NUDT19: variants seen among roughly 807,000 people sequenced by gnomAD.
NUDT19 encodes the protein nudix hydrolase 19.
A neutral mutation model predicts 22.2 loss-of-function variants in NUDT19; 31 were observed. The observed-to-expected ratio is 1.40, with a 90% CI of 1.05 to 1.89. The LOEUF is 1.89. Among genes scored for constraint, NUDT19 ranks in the 40% most tolerant of loss-of-function variants. The pLI is 0.00. For missense variants in NUDT19, 752 were observed against 514.2 expected (o/e 1.46, Z -4.47); for synonymous variants, 325 against 230.8 (o/e 1.41, Z -3.70).
intron 1 of NUDT19, among the ~76,000 whole-genome samples, chr19:32,702,315 A>C (rs1280859352): frequency 6.6e-6 from 1 of 152,248 alleles, no homozygotes; most frequent in African/African-American, 2.4e-5. Context: ...CCACATGAGT[A>C]AACAAGCTAG....
intron 1 of NUDT19, among the ~76,000 whole-genome samples, chr19:32,703,007 AT>A (rs35651555): frequency 2.2e-4 from 33 of 148,516 alleles, no homozygotes; most frequent in South Asian, 8.5e-4. Flanking sequence ...TAGACCATCA[AT>A]TTTTTTTTTT....
chr19:32,698,933 C>A (rs1968298551), intron 1 of NUDT19, among the ~76,000 whole-genome samples: 1 of 152,156 alleles, frequency 6.6e-6, no homozygotes, highest in African/African-American at 2.4e-5. Context: ...GAGGGCCATA[C>A]CCTGAGGGAG....
intron 1 of NUDT19, among the ~76,000 whole-genome samples, chr19:32,694,532 T>C (rs1050991808): frequency 1.7e-4 from 26 of 152,336 alleles, no homozygotes; most frequent in African/African-American, 6.3e-4. Flanking sequence ...CCGGTTCCTG[T>C]AGCAGTGGCC....
rs1396597262 is a variant in NUDT19, at chr19:32,691,877, G to A, written c.-84G>A. 4 of 741,814 alleles carry A rather than the reference G, an allele frequency of 5.4e-6. No individual in the cohort carries two copies. The highest frequency in any genetic ancestry group is 7.2e-6 in the Non-Finnish European group (4 of 552,888). The allele number at this position is 741,814 out of a possible 1,614,324, so 46.0% of individuals were successfully genotyped here. On this transcript the variant is annotated 5_prime_UTR_variant, in exon 1 of 3. Coordinates refer to ENST00000397061, the MANE Select transcript of NUDT19 (RefSeq NM_001105570.2). Reference sequence around the variant, plus strand: ...CGTCCTCAATTCCCGCGAGGCCCCCGGAGGTGCTGGGGTCCCTGCAGGGCC... The same window carrying A: ...CGTCCTCAATTCCCGCGAGGCCCCCAGAGGTGCTGGGGTCCCTGCAGGGCC...
In NUDT19 at chr19:32,692,495, C is replaced by A. The variant is rs747458078; in HGVS notation, c.535C>A (p.Leu179Met). The A allele has an allele frequency of 6.4e-7, 1 of 1,555,868 alleles. No individual in the cohort carries two copies. Among genetic ancestry groups the A allele is most frequent in the East Asian group, 2.5e-5 (1 of 40,794 alleles). The change falls in exon 1 of 3, where the codon CTG becomes ATG. Residue 179 changes from leucine (L) to methionine (M), a missense_variant. Physicochemically the swap from Leu to Met is conservative, Grantham distance 15. Coordinates refer to ENST00000397061, the MANE Select transcript of NUDT19 (RefSeq NM_001105570.2). ...DRVRQDPRHF[L>M]RLCAHLDCTP... ...CGTGCGCCAGGACCCGCGCCACTTC[C>A]TGCGGCTGTGCGCCCACCTCGACTG...
rs770857161 is a variant in NUDT19 at position 32,692,714 on chromosome 19, G to GT, written c.714+41dup. ...GGGCCTTGCTGCGGACCGCCAGGAC[G>GT]TGAGAGGGAGGACCCCTCCCAGCGG... On this transcript the variant is annotated intron_variant, in intron 1 of 2. Transcript: ENST00000397061. 6 of 1,394,986 alleles carry GT rather than the reference G, an allele frequency of 4.3e-6. No individual in the cohort carries two copies. In the South Asian group the frequency reaches 9.3e-5, roughly 22 times the overall value. The allele number at this position is 1,394,986 out of a possible 1,614,324, so 86.4% of individuals were successfully genotyped here. A position where few individuals can be genotyped will look rare whatever the true frequency, so the allele number is the denominator to read the frequency against.
At chr19:32,709,733 C>G (rs1283216739) in intron 2 of NUDT19, among the ~76,000 whole-genome samples, 1 of 151,618 alleles carries the variant, frequency 6.6e-6, no homozygotes, top group Non-Finnish European at 1.5e-5. Flanking sequence ...TCACTGCAAC[C>G]TCCACCTCCC....
chr19:32,693,310 A>G (rs1339473487), intron 1 of NUDT19, among the ~76,000 whole-genome samples: 1 of 151,530 alleles, frequency 6.6e-6, no homozygotes, highest in African/African-American at 2.4e-5. Context: ...AGACCTTCGC[A>G]GTGAGTGTTA....
In NUDT19 at chr19:32,712,320, GC is replaced by G. The variant is rs1968456780; in HGVS notation, c.*366del. The G allele has an allele frequency of 6.5e-6, 1 of 153,012 alleles. No homozygotes were observed. The highest frequency in any genetic ancestry group is 1.4e-5 in the Non-Finnish European group (1 of 72,868). 9.5% of individuals were successfully genotyped at this position (153,012 alleles called of 1,614,324 possible). A position where few individuals can be genotyped will look rare whatever the true frequency, so the allele number is the denominator to read the frequency against. On this transcript the variant is annotated 3_prime_UTR_variant, in exon 3 of 3. Coordinates refer to ENST00000397061, the MANE Select transcript of NUDT19 (RefSeq NM_001105570.2). The stretch of plus-strand genomic sequence containing the variant: ...TCTCAATCTCTTGACCTCGTGATAC[GC>G]CCGCCTTGGCCTCCCAAAGTGCTGG...
chr19:32,709,725 A>G (rs1968425971), intron 2 of NUDT19, among the ~76,000 whole-genome samples: 2 of 145,414 alleles, frequency 1.4e-5, no homozygotes, highest in African/African-American at 2.6e-5. Flanking sequence ...ATCTTGGCTC[A>G]CTGCAACCTC....
At chr19:32,699,457 A>G (rs1364230443) in intron 1 of NUDT19, among the ~76,000 whole-genome samples, 7 of 152,200 alleles carry the variant, frequency 4.6e-5, no homozygotes, top group South Asian at 2.1e-4. Flanking sequence ...CCCTCGGCTC[A>G]GCCCAGAAGT....
In NUDT19 at chr19:32,705,959, A is replaced by C. The variant is rs1007987275; in HGVS notation, c.715-3226A>C. Among the ~76,000 whole-genome samples the C allele has an allele frequency of 5.9e-5, 9 of 152,174 alleles. No individual in the cohort carries two copies. In the East Asian group the frequency reaches 9.6e-4, roughly 16 times the overall value. ...TGCTTGTGTTCAACATGATCTCTCC[A>C]CTGTGATTGGAAGGAATTCGAATAA... is the stretch of plus-strand genomic sequence containing the variant. On this transcript the variant is annotated intron_variant, in intron 1 of 2. Transcript: ENST00000397061.
At chr19:32,699,067 T>G (rs1318817667) in intron 1 of NUDT19, among the ~76,000 whole-genome samples, 1 of 152,216 alleles carries the variant, frequency 6.6e-6, no homozygotes, top group Non-Finnish European at 1.5e-5. Context: ...GGCCTGCTTT[T>G]CTGAGGAGGG....
chr19:32,711,454 C>T (rs575632800), intron 2 of NUDT19, among the ~76,000 whole-genome samples: 26 of 152,172 alleles, frequency 1.7e-4, no homozygotes, highest in South Asian at 8.3e-4. Context: ...CAGAGTGAGA[C>T]TCCATCTCAA....
chr19:32,701,366 T>G (rs1968334445), intron 1 of NUDT19, among the ~76,000 whole-genome samples: 1 of 151,992 alleles, frequency 6.6e-6, no homozygotes, highest in Admixed American at 6.6e-5. Flanking sequence ...CCACCATGCC[T>G]AGCTAATTTT....
intron 1 of NUDT19, among the ~76,000 whole-genome samples, chr19:32,708,218 G>A (rs1393081595): frequency 6.6e-6 from 1 of 150,724 alleles, no homozygotes; most frequent in African/African-American, 2.4e-5. Flanking sequence ...ATGGGGTCAG[G>A]AGATCGAGAC....
chr19:32,701,009 C>T (rs1968329126), intron 1 of NUDT19, among the ~76,000 whole-genome samples: 1 of 150,314 alleles, frequency 6.7e-6, no homozygotes, highest in African/African-American at 2.5e-5. Flanking sequence ...CACTGCACTT[C>T]AGCCTGGACA....
chr19:32,709,246 C>G lies in NUDT19; in HGVS notation c.776C>G (p.Pro259Arg). Residue 259 changes from proline to arginine, a missense_variant, in exon 2 of 3, where the codon CCA becomes CGA. By Grantham distance (103) the Pro-to-Arg change is moderately radical (BLOSUM62 -2). Coordinates refer to ENST00000397061, the MANE Select transcript of NUDT19 (RefSeq NM_001105570.2). ...FLSKEIWLPP[P>R]QFYEVRRLAN... ...TCAAAAGAAATTTGGTTGCCACCCC[C>G]ACAGTTCTACGAAGTGAGAAGACTT... 3 of 1,614,158 alleles carry G rather than the reference C, an allele frequency of 1.9e-6. No homozygotes were observed. Among genetic ancestry groups the G allele is most frequent in the Non-Finnish European group, 2.5e-6 (3 of 1,180,028 alleles).
At chr19:32,703,648 CTTTTTTTTTTT>C (rs60766132) in intron 1 of NUDT19, among the ~76,000 whole-genome samples, 15 of 68,344 alleles carry the variant, frequency 2.2e-4, no homozygotes, top group South Asian at 4.9e-4. Context: ...TGTGCCCAGC[CTTTTTTTTTTT>C]TTTTTTTTTT....
Sources: gnomAD v4.1 joint callset for allele counts (sites outside exome capture counted in the v4.1 genomes callset) on GRCh38, gnomAD v4.1.1 for gene constraint, MANE v1.5 for transcripts, NCBI Gene and HGNC (gene_info 2026-07-23, HGNC 2026-07-21) for gene names.